Variants in SLC35A3 observed in about 807,000 individuals in gnomAD.
SLC35A3 encodes the protein UDP-N-acetylglucosamine transporter.
SLC35A3 carries 26 observed loss-of-function variants against 39.0 expected under a neutral mutation model. That is an observed-to-expected ratio of 0.67 (90% CI 0.49 to 0.92). SLC35A3 has a LOEUF of 0.92. SLC35A3 is among the 40% of genes least tolerant of loss of function. SLC35A3 has a pLI of 0.00. For synonymous variants in SLC35A3, 135 were observed against 133.1 expected, an observed-to-expected ratio of 1.01 and a Z score of -0.10; for missense variants, 299 against 371.6, an observed-to-expected ratio of 0.80 and a Z score of 1.61.
In SLC35A3 at chr1:100,032,416, C is replaced by G. The variant is rs181974491; in HGVS notation, c.*9940C>G. The G allele has an allele frequency of 6.6e-6, 1 of 151,908 alleles. No homozygotes were observed. The highest frequency in any genetic ancestry group is 2.4e-5 in the African/African-American group (1 of 41,354). 9.4% of individuals were successfully genotyped at this position (151,908 alleles called of 1,614,324 possible). A position where few individuals can be genotyped will look rare whatever the true frequency, so the allele number is the denominator to read the frequency against. On this transcript the variant is annotated 3_prime_UTR_variant, in exon 8 of 8. Coordinates refer to ENST00000533028, the MANE Select transcript of SLC35A3 (RefSeq NM_012243.3). ...TCCCTCCTGTTTCTCTAATATCCCT[C>G]TTTAAAAAAAAGACCATGTCTTCAT...
At chr1:99,989,277 T>TTTTTG (rs565157336) in intron 1 of SLC35A3, among the ~76,000 whole-genome samples, 3,360 of 152,130 alleles carry the variant, frequency 0.022, 47 homozygotes, top group Middle Eastern at 0.092. Context: ...TATCTTTGTT[T>TTTTTG]TTTTGTTTTG....
At chr1:99,991,335 G>A (rs1557828648) in intron 1 of SLC35A3, among the ~76,000 whole-genome samples, 1 of 152,034 alleles carries the variant, frequency 6.6e-6, no homozygotes, top group African/African-American at 2.4e-5. Flanking sequence ...TAGTAGAGAC[G>A]GGCTTTCACT....
chr1:99,993,330 TG>T (rs1160103537), intron 1 of SLC35A3, among the ~76,000 whole-genome samples: 2 of 152,174 alleles, frequency 1.3e-5, no homozygotes, highest in Admixed American at 1.3e-4. Context: ...TCAAGGTTTT[TG>T]GTTGTAATTA....
intron 6 of SLC35A3, 146 bp downstream of exon 6, chr1:100,015,566 T>C (rs1051684307): frequency 6.2e-5 from 53 of 851,722 alleles, no homozygotes; most frequent in African/African-American, 2.4e-4. Context: ...GAAGTGAAAA[T>C]AGAAGTGATC....
In SLC35A3 at chr1:100,001,246, G is replaced by C. The variant is rs1570600312; in HGVS notation, c.342+1831G>C. On this transcript the variant is annotated intron_variant, in intron 3 of 7. Transcript: ENST00000533028. The stretch of plus-strand genomic sequence containing the variant: ...ATTGTTTTTTCTGTTTCTGTGAAGA[G>C]TGTCATTGGTATTTTGATGGGGATT... Among the ~76,000 whole-genome samples the C allele has an allele frequency of 2.0e-5, 3 of 152,094 alleles. No individual in the cohort carries two copies. The Middle Eastern group carries it at 0.01, about 517-fold the overall frequency.
At chr1:99,971,600 C>T (rs921992680) in intron 1 of SLC35A3, among the ~76,000 whole-genome samples, 1 of 152,202 alleles carries the variant, frequency 6.6e-6, no homozygotes, top group Non-Finnish European at 1.5e-5. Context: ...AGCCACCGCA[C>T]CCGGCCCCCA....
At chr1:100,016,757 C>G (rs1190422214) in intron 6 of SLC35A3, among the ~76,000 whole-genome samples, 2 of 151,920 alleles carry the variant, frequency 1.3e-5, no homozygotes, top group African/African-American at 4.8e-5. Flanking sequence ...AAATTTGAAG[C>G]GGAGATAGGG....
chr1:100,023,982 G>GA lies in SLC35A3; in HGVS notation c.*1506_*1507insA, dbSNP rs1660721838. 6.6e-6 allele frequency: 1 copy of GA among 151,624 alleles called. No individual in the cohort carries two copies. The highest frequency in any genetic ancestry group is 1.5e-5 in the Non-Finnish European group (1 of 67,964). 9.4% of individuals were successfully genotyped at this position (151,624 alleles called of 1,614,324 possible). A position where few individuals can be genotyped will look rare whatever the true frequency, so the allele number is the denominator to read the frequency against. ...AGATCACGCCACTGCACTCCAACCT[G>GA]GGCGACACAGTGAGAGTCTGTCTCA... On this transcript the variant is annotated 3_prime_UTR_variant, in exon 8 of 8. Coordinates refer to ENST00000533028, the MANE Select transcript of SLC35A3 (RefSeq NM_012243.3).
chr1:100,014,015 A>G (rs1570619650), intron 5 of SLC35A3, among the ~76,000 whole-genome samples: 1 of 152,138 alleles, frequency 6.6e-6, no homozygotes, highest in African/African-American at 2.4e-5. Flanking sequence ...GCTTCTGGGA[A>G]TCTCTTATTC....
rs1363478976 is a variant in SLC35A3, at chr1:100,026,331, A to C, written c.*3855A>C. On this transcript the variant is annotated 3_prime_UTR_variant, in exon 8 of 8. Transcript: ENST00000533028. ...AAGGTTTATAAAAGTTATTTATGCT[A>C]TATTGAAAGTCATCTTAAGAATCTC... 6.6e-6 allele frequency: 1 copy of C among 152,170 alleles called. No homozygotes were observed. Among genetic ancestry groups the C allele is most frequent in the African/African-American group, 2.4e-5 (1 of 41,460 alleles). The allele number at this position is 152,170 out of a possible 1,614,324, so 9.4% of individuals were successfully genotyped here.
chr1:100,009,979 T>C (rs1042350239), intron 4 of SLC35A3, among the ~76,000 whole-genome samples: 2 of 152,126 alleles, frequency 1.3e-5, no homozygotes, highest in African/African-American at 2.4e-5. Context: ...GGGATTCCTA[T>C]AAACTATGCT....
chr1:99,986,480 T>C (rs1386595913), intron 1 of SLC35A3, among the ~76,000 whole-genome samples: 1 of 152,202 alleles, frequency 6.6e-6, no homozygotes, highest in African/African-American at 2.4e-5. Flanking sequence ...ATAAAGAGCA[T>C]TAATAATAAC....
At position 100,035,028 on chromosome 1, in the gene SLC35A3, A is replaced by G. The variant is rs1044304758; in HGVS notation, c.*12552A>G. On this transcript the variant is annotated 3_prime_UTR_variant, in exon 8 of 8. Coordinates refer to ENST00000533028, the MANE Select transcript of SLC35A3 (RefSeq NM_012243.3). ...TCCTAACCAAAAAACCCTAACTGAG[A>G]TATCAGTCTCTTAGCGCAAAGTTTG... 7 of 152,084 alleles carry G rather than the reference A, an allele frequency of 4.6e-5. No homozygotes were observed. The highest frequency in any genetic ancestry group is 8.8e-5 in the Non-Finnish European group (6 of 68,014). 9.4% of individuals were successfully genotyped at this position (152,084 alleles called of 1,614,324 possible). A position where few individuals can be genotyped will look rare whatever the true frequency, so the allele number is the denominator to read the frequency against.
chr1:100,000,436 T>A (rs940770402), intron 3 of SLC35A3, among the ~76,000 whole-genome samples: 1 of 152,118 alleles, frequency 6.6e-6, no homozygotes, highest in Admixed American at 6.6e-5. Flanking sequence ...TATTTGTTCT[T>A]ACGCTCTGGA....
chr1:100,012,118 A>G (rs1224162514), intron 5 of SLC35A3, among the ~76,000 whole-genome samples: 3 of 152,064 alleles, frequency 2.0e-5, no homozygotes, highest in African/African-American at 7.2e-5. Flanking sequence ...CCCCATCTCT[A>G]CTAAAAATAC....
intron 1 of SLC35A3, among the ~76,000 whole-genome samples, chr1:99,971,144 T>C (rs542183623): frequency 1.3e-5 from 2 of 152,330 alleles, no homozygotes; most frequent in East Asian, 1.9e-4. Context: ...CTTTCTTTTT[T>C]TGGTTATTCC....
chr1:99,996,805 A>G (rs1338998348), intron 2 of SLC35A3, among the ~76,000 whole-genome samples: 3 of 152,094 alleles, frequency 2.0e-5, no homozygotes, highest in Admixed American at 1.3e-4. Flanking sequence ...TTAGTTAAGA[A>G]TTTTTCAACT....
chr1:100,003,733 A>G (rs138998055), intron 3 of SLC35A3, among the ~76,000 whole-genome samples: 56 of 152,234 alleles, frequency 3.7e-4, no homozygotes, highest in African/African-American at 1.3e-3. Context: ...GAAGTCCCCA[A>G]TTGTTACTGT....
chr1:100,021,703 T>C (rs142325341), intron 7 of SLC35A3, among the ~76,000 whole-genome samples: 2 of 152,164 alleles, frequency 1.3e-5, no homozygotes, highest in Admixed American at 1.3e-4. Context: ...ATATTTGTAG[T>C]CTAGTTTACA....
Sources: gnomAD v4.1 joint callset for allele counts (sites outside exome capture counted in the v4.1 genomes callset) on GRCh38, gnomAD v4.1.1 for gene constraint, MANE v1.5 for transcripts, NCBI Gene and HGNC (gene_info 2026-07-23, HGNC 2026-07-21) for gene names.